Variants in KTN1 observed in about 807,000 individuals in gnomAD.
KTN1 encodes the protein kinectin.
A neutral mutation model predicts 222.5 loss-of-function variants in KTN1; 130 were observed. That is an observed-to-expected ratio of 0.58 (90% confidence interval 0.51 to 0.68). KTN1 has a LOEUF of 0.68. Among genes scored for constraint, KTN1 ranks in the 30% least tolerant of loss-of-function variants. KTN1 has a pLI of 0.00. For missense variants in KTN1, 1,508 were observed against 1,500.4 expected (o/e 1.01, Z -0.08); for synonymous variants, 512 against 496.3 (o/e 1.03, Z -0.42).
At chr14:55,608,624 C>CTTT (rs575646665) in intron 1 of KTN1, among the ~76,000 whole-genome samples, 1 of 138,994 alleles carries the variant, frequency 7.2e-6, no homozygotes. Flanking sequence ...TTGCTGTGAA[C>CTTT]TTTTTTTTTT....
intron 32 of KTN1, among the ~76,000 whole-genome samples, chr14:55,662,577 C>G (rs2044266070): frequency 6.6e-6 from 1 of 152,132 alleles, no homozygotes; most frequent in African/African-American, 2.4e-5. Context: ...AAGTAGAGTC[C>G]AAGCATTCTT....
At chr14:55,679,711 C>G (rs199528141) in intron 43 of KTN1, 26 bp downstream of exon 43, 37 of 1,607,560 alleles carry the variant, frequency 2.3e-5, no homozygotes, top group Admixed American at 1.0e-4. Context: ...ATATTGCTGT[C>G]TATGGGTAAT....
intron 9 of KTN1, among the ~76,000 whole-genome samples, chr14:55,635,734 C>G (rs753477514): frequency 6.6e-6 from 1 of 152,106 alleles, no homozygotes; most frequent in Non-Finnish European, 1.5e-5. Context: ...AAGTATAGTT[C>G]AATTTGTGTA....
chr14:55,668,242 C>A (rs139053698), intron 34 of KTN1: 1 of 151,986 alleles, frequency 6.6e-6, no homozygotes, highest in African/African-American at 2.4e-5. Context: ...TAATAACTTA[C>A]TGTAGTTTGT....
rs2140882483 is a variant in KTN1, at chr14:55,627,998, T to C, written c.1050T>C (p.Ala350=). ...LLAAVKEDAA[A]TKDRCKQLTQ... ...CTGCTGTGAAGGAAGATGCTGCTGCTACAAAGGATCGGTGTAAGCAGTTAA... is the reference window on the plus strand; with the variant it reads ...CTGCTGTGAAGGAAGATGCTGCTGCCACAAAGGATCGGTGTAAGCAGTTAA... The change falls in exon 6 of 44, where the codon GCT becomes GCC. Residue 350 remains alanine (A), a synonymous_variant. Coordinates refer to ENST00000395314, the MANE Select transcript of KTN1 (RefSeq NM_001079521.2). 6.2e-7 allele frequency: 1 copy of C among 1,613,344 alleles called. No homozygotes were observed. Among genetic ancestry groups the C allele is most frequent in the South Asian group, 1.1e-5 (1 of 91,062 alleles).
At chr14:55,634,888 C>T (rs1334591716) in intron 9 of KTN1, among the ~76,000 whole-genome samples, 1 of 151,948 alleles carries the variant, frequency 6.6e-6, no homozygotes, top group African/African-American at 2.4e-5. Flanking sequence ...GGAGAAATGC[C>T]GAGCGAGGGG....
Position 55,670,602 on chromosome 14 carries a change from A to G in KTN1, c.3268-127A>G. On this transcript the variant is annotated intron_variant, in intron 34 of 43. Transcript: ENST00000395314. ...ACATTCCTCTTTGAAATTTGTAGCAATGTCCTGTTTGTCTGTGTAGGTTTC... is the reference window on the plus strand; with the variant it reads ...ACATTCCTCTTTGAAATTTGTAGCAGTGTCCTGTTTGTCTGTGTAGGTTTC... 5.1e-6 allele frequency: 3 copies of G among 593,840 alleles called. No individual in the cohort carries two copies. The South Asian group carries it at 8.0e-5, about 16-fold the overall frequency. The allele number at this position is 593,840 out of a possible 1,614,324, so 36.8% of individuals were successfully genotyped here. A position where few individuals can be genotyped will look rare whatever the true frequency, so the allele number is the denominator to read the frequency against.
chr14:55,648,159 A>C, intron 20 of KTN1, 44 bp downstream of exon 20: 1 of 952,744 alleles, frequency 1.0e-6, no homozygotes, highest in African/African-American at 1.7e-5. Context: ...TTATTCAGTG[A>C]CATAAAAGGA....
rs140138883 is a variant in KTN1 at position 55,624,140 on chromosome 14, A to G, written c.964-3772A>G. Among the ~76,000 whole-genome samples the G allele has an allele frequency of 4.4e-4, 67 of 152,336 alleles. 1 individual carries two copies. Among genetic ancestry groups the G allele is most frequent in the African/African-American group, 1.5e-3 (62 of 41,584 alleles). ...TTCTCATGGGGCGGTTCTGTTCTCT[A>G]CTGAAGGAACTCTGCCTTTGTAGGT... is the stretch of plus-strand genomic sequence containing the variant. On this transcript the variant is annotated intron_variant, in intron 5 of 43. Coordinates refer to ENST00000395314, the MANE Select transcript of KTN1 (RefSeq NM_001079521.2).
chr14:55,611,662 C>G (rs1173045421), intron 1 of KTN1, among the ~76,000 whole-genome samples: 1 of 152,048 alleles, frequency 6.6e-6, no homozygotes, highest in Non-Finnish European at 1.5e-5. Context: ...TAGTTATCAA[C>G]ACTGTACAAT....
chr14:55,667,206 C>A (rs770622693), intron 33 of KTN1, 35 bp from the exon 34 acceptor site: 17 of 1,202,556 alleles, frequency 1.4e-5, no homozygotes, highest in Admixed American at 2.0e-5. Context: ...ATTCTGTGAT[C>A]TTGTAAGTTT....
intron 1 of KTN1, among the ~76,000 whole-genome samples, chr14:55,581,626 C>G (rs1400780549): frequency 6.6e-6 from 1 of 152,138 alleles, no homozygotes; most frequent in Non-Finnish European, 1.5e-5. Context: ...ACTAAAGGTT[C>G]TGAATTGTAT....
intron 25 of KTN1, among the ~76,000 whole-genome samples, chr14:55,652,465 C>T (rs1162500976): frequency 7.6e-6 from 1 of 131,580 alleles, no homozygotes; most frequent in Non-Finnish European, 1.5e-5. Flanking sequence ...GTGGCATGAT[C>T]TCGGCTCACT....
chr14:55,667,777 A>G (rs892513740), intron 34 of KTN1: 1 of 152,552 alleles, frequency 6.6e-6, no homozygotes, highest in Non-Finnish European at 1.5e-5. Flanking sequence ...AATCTTACAG[A>G]TAATATAGAA....
chr14:55,625,375 A>G (rs1474097124), intron 5 of KTN1, among the ~76,000 whole-genome samples: 1 of 152,194 alleles, frequency 6.6e-6, no homozygotes, highest in Non-Finnish European at 1.5e-5. Context: ...TATATTTTAA[A>G]CTTTAAATTA....
chr14:55,591,262 A>G (rs1244590267), intron 1 of KTN1, among the ~76,000 whole-genome samples: 3 of 152,292 alleles, frequency 2.0e-5, no homozygotes, highest in South Asian at 2.1e-4. Context: ...GTTCTGTTTC[A>G]TTAAAACTAA....
intron 2 of KTN1, among the ~76,000 whole-genome samples, chr14:55,614,103 G>T (rs1363855235): frequency 6.6e-6 from 1 of 152,202 alleles, no homozygotes; most frequent in Non-Finnish European, 1.5e-5. Flanking sequence ...ATAGAGAGTG[G>T]TAGGGAACAG....
intron 41 of KTN1, among the ~76,000 whole-genome samples, chr14:55,676,792 A>G (rs2045923244): frequency 6.6e-6 from 1 of 152,178 alleles, no homozygotes; most frequent in Admixed American, 6.5e-5. Context: ...ATATGCTTAT[A>G]GTTTATAATT....
intron 21 of KTN1, 108 bp downstream of exon 21, chr14:55,648,978 T>C: frequency 1.4e-6 from 1 of 727,864 alleles, no homozygotes; most frequent in Non-Finnish European, 2.4e-6. Context: ...CAGGCTGGAG[T>C]GCAGTGGTAC....
Sources: allele counts gnomAD v4.1 joint callset (sites outside exome capture counted in the v4.1 genomes callset), GRCh38; gene constraint gnomAD v4.1.1; transcripts MANE v1.5; gene names NCBI Gene and HGNC (gene_info 2026-07-23, HGNC 2026-07-21).